Variants in MACROD2 observed in about 807,000 individuals in gnomAD.
MACROD2 encodes mono-ADP ribosylhydrolase 2.
A neutral mutation model predicts 70.4 loss-of-function variants in MACROD2; 36 were observed. The observed-to-expected ratio is 0.51, with a 90% CI of 0.39 to 0.68. MACROD2 has a LOEUF of 0.68. Ranked by LOEUF, MACROD2 falls within the 30% of genes least tolerant of loss-of-function variation. The pLI is 0.00. For missense variants in MACROD2, 496 were observed against 538.4 expected (o/e 0.92, Z 0.78); for synonymous variants, 172 against 178.8 (o/e 0.96, Z 0.30).
At chr20:14,977,427 A>G (rs931908904) in intron 5 of MACROD2, among the ~76,000 whole-genome samples, 1 of 150,896 alleles carries the variant, frequency 6.6e-6, no homozygotes, top group East Asian at 1.9e-4. Flanking sequence ...ATTTAAGTAC[A>G]AGAGTTCTGA....
chr20:15,603,516 A>T (rs1568923267), intron 8 of MACROD2, among the ~76,000 whole-genome samples: 1 of 151,914 alleles, frequency 6.6e-6, no homozygotes, highest in Non-Finnish European at 1.5e-5. Context: ...AAAAAAAAAA[A>T]AAAAAAGATA....
At position 15,496,736 on chromosome 20, in the gene MACROD2, C is replaced by G. The variant is rs1244632890; in HGVS notation, c.572-3038C>G. 2.6e-5 allele frequency among the ~76,000 whole-genome samples: 4 copies of G among 152,270 alleles called. No homozygotes were observed. In the South Asian group the frequency reaches 8.3e-4, roughly 32 times the overall value. On this transcript the variant is annotated intron_variant, in intron 7 of 17. Coordinates refer to ENST00000684519, the MANE Select transcript of MACROD2 (RefSeq NM_001351661.2). ...TGAGAAATAAATCTAGAAAGGCCCC[C>G]TGGGGTCATTGGAATGTGTAACACA...
chr20:14,396,314 T>C (rs76115354), intron 3 of MACROD2, among the ~76,000 whole-genome samples: 2,565 of 152,330 alleles, frequency 0.017, 70 homozygotes, highest in African/African-American at 0.058. Context: ...GAGAATGGTG[T>C]TGAAATCTCT....
intron 5 of MACROD2, among the ~76,000 whole-genome samples, chr20:15,165,417 C>T (rs888283460): frequency 6.6e-6 from 1 of 152,200 alleles, no homozygotes; most frequent in African/African-American, 2.4e-5. Flanking sequence ...GATTGTGCCA[C>T]TGCACTCTAG....
chr20:15,891,901 G>A (rs2064894796), intron 10 of MACROD2, among the ~76,000 whole-genome samples: 2 of 152,172 alleles, frequency 1.3e-5, no homozygotes, highest in African/African-American at 4.8e-5. Context: ...GCTGTGAAGT[G>A]TGGGGCATAG....
intron 8 of MACROD2, among the ~76,000 whole-genome samples, chr20:15,713,987 G>GCACACA (rs3071356): frequency 0.024 from 2,805 of 117,672 alleles, 50 homozygotes; most frequent in Non-Finnish European, 0.038. Context: ...ACACACATAT[G>GCACACA]CACACACACA....
At chr20:14,526,686 C>G (rs2085237154) in intron 4 of MACROD2, among the ~76,000 whole-genome samples, 1 of 152,210 alleles carries the variant, frequency 6.6e-6, no homozygotes, top group Non-Finnish European at 1.5e-5. Flanking sequence ...CCTTGTCCCC[C>G]TCACAGGGCA....
chr20:15,983,730 A>T (rs181465081), intron 13 of MACROD2, among the ~76,000 whole-genome samples: 1 of 152,216 alleles, frequency 6.6e-6, no homozygotes, highest in Non-Finnish European at 1.5e-5. Flanking sequence ...AAGGGGGACA[A>T]TTAGGGCCTC....
At chr20:14,582,183 A>G (rs866448261) in intron 4 of MACROD2, among the ~76,000 whole-genome samples, 1 of 152,188 alleles carries the variant, frequency 6.6e-6, no homozygotes, top group African/African-American at 2.4e-5. Flanking sequence ...CATACAAGCT[A>G]AGACAGTATG....
chr20:15,070,932 A>G (rs1393726719), intron 5 of MACROD2, among the ~76,000 whole-genome samples: 1 of 151,938 alleles, frequency 6.6e-6, no homozygotes, highest in African/African-American at 2.4e-5. Flanking sequence ...AAACCCAAAA[A>G]AGTCTTAAAT....
chr20:15,602,126 C>T lies in MACROD2; in HGVS notation c.645+102279C>T, dbSNP rs145963027. ...CAGGATACACTGTCTAAATCCCTCACTGAAGAATGTAGACCCCAACCTCCT... is the reference window on the plus strand; with the variant it reads ...CAGGATACACTGTCTAAATCCCTCATTGAAGAATGTAGACCCCAACCTCCT... On this transcript the variant is annotated intron_variant, in intron 8 of 17. Coordinates refer to ENST00000684519, the MANE Select transcript of MACROD2 (RefSeq NM_001351661.2). Among the ~76,000 whole-genome samples, 143 of 152,280 alleles carry T rather than the reference C, an allele frequency of 9.4e-4. 1 individual carries two copies. The highest frequency in any genetic ancestry group is 3.4e-3 in the African/African-American group (140 of 41,556).
rs781460150 is a variant in MACROD2 at position 14,600,341 on chromosome 20, T to TAC, written c.302-84501_302-84500insCA. The stretch of plus-strand genomic sequence containing the variant: ...ATATGCAGCTACATATATATATATA[T>TAC]ATACACACACACACACACACACACA... On this transcript the variant is annotated intron_variant, in intron 4 of 17. Transcript: ENST00000684519. Among the ~76,000 whole-genome samples the TAC allele has an allele frequency of 1.5e-3, 210 of 142,178 alleles. 1 individual carries two copies. The highest frequency in any genetic ancestry group is 5.5e-3 in the African/African-American group (185 of 33,944). 93.3% of individuals were successfully genotyped at this position (142,178 alleles called of 152,430 possible). A position where few individuals can be genotyped will look rare whatever the true frequency, so the allele number is the denominator to read the frequency against.
chr20:14,625,339 GA>G (rs566736720), intron 4 of MACROD2, among the ~76,000 whole-genome samples: 134 of 151,388 alleles, frequency 8.9e-4, no homozygotes, highest in African/African-American at 3.0e-3. Flanking sequence ...AAAAAAAGAA[GA>G]AAAAAAAGAA....
intron 4 of MACROD2, among the ~76,000 whole-genome samples, chr20:14,587,955 G>A (rs1209892577): frequency 6.6e-6 from 1 of 152,136 alleles, no homozygotes; most frequent in African/African-American, 2.4e-5. Context: ...TAAGATTTAT[G>A]ATTGTAGCTT....
chr20:14,799,769 T>G (rs2122135182), intron 5 of MACROD2, among the ~76,000 whole-genome samples: 1 of 152,106 alleles, frequency 6.6e-6, no homozygotes, highest in Admixed American at 6.5e-5. Context: ...GAGACCTTAC[T>G]TGCTGGGTTG....
intron 4 of MACROD2, among the ~76,000 whole-genome samples, chr20:14,679,623 T>A (rs1285820597): frequency 6.6e-6 from 1 of 152,220 alleles, no homozygotes; most frequent in Non-Finnish European, 1.5e-5. Flanking sequence ...TAGAGAATTT[T>A]AAACTCTTAT....
At chr20:15,501,868 C>G (rs866397641) in intron 8 of MACROD2, among the ~76,000 whole-genome samples, 1 of 152,126 alleles carries the variant, frequency 6.6e-6, no homozygotes, top group African/African-American at 2.4e-5. Context: ...AAACAAACAA[C>G]AGACTAGGTT....
chr20:15,870,292 A>G (rs1601025710), intron 9 of MACROD2, among the ~76,000 whole-genome samples: 1 of 151,800 alleles, frequency 6.6e-6, no homozygotes, highest in South Asian at 2.1e-4. Flanking sequence ...GATCTCATCA[A>G]TGAAAAAATA....
chr20:14,488,505 C>T (rs1368402470), intron 3 of MACROD2, among the ~76,000 whole-genome samples: 2 of 152,176 alleles, frequency 1.3e-5, no homozygotes, highest in Non-Finnish European at 2.9e-5. Flanking sequence ...GTTAGGCAAT[C>T]TTGGGTAAAG....
Sources: gnomAD v4.1 joint callset for allele counts (sites outside exome capture counted in the v4.1 genomes callset) on GRCh38, gnomAD v4.1.1 for gene constraint, MANE v1.5 for transcripts, NCBI Gene and HGNC (gene_info 2026-07-23, HGNC 2026-07-21) for gene names.